Variants in NLGN1 observed in about 807,000 individuals in gnomAD.
The protein encoded by NLGN1 is neuroligin 1.
Under a neutral mutation model 65.5 loss-of-function variants are expected in NLGN1, and 12 were observed. The observed-to-expected ratio is 0.18, with a 90% CI of 0.12 to 0.30. The LOEUF is 0.30. Ranked by LOEUF, NLGN1 falls within the 10% of genes least tolerant of loss-of-function variation. The pLI is 1.00. For missense variants in NLGN1, 750 were observed against 1,007.1 expected (o/e 0.74, Z 3.46); for synonymous variants, 350 against 359.5 (o/e 0.97, Z 0.30).
chr3:173,935,901 G>A (rs1255125432), intron 4 of NLGN1, among the ~76,000 whole-genome samples: 1 of 151,936 alleles, frequency 6.6e-6, no homozygotes, highest in Non-Finnish European at 1.5e-5. Context: ...TACAGATTTT[G>A]AGACACCAAA....
At chr3:173,436,975 T>A (rs1471269598) in intron 2 of NLGN1, among the ~76,000 whole-genome samples, 1 of 152,220 alleles carries the variant, frequency 6.6e-6, no homozygotes, top group East Asian at 1.9e-4. Flanking sequence ...TGTTCCTTTT[T>A]ATTTTTCTTC....
chr3:174,001,662 A>G (rs1723313082), intron 4 of NLGN1, among the ~76,000 whole-genome samples: 1 of 152,196 alleles, frequency 6.6e-6, no homozygotes, highest in South Asian at 2.1e-4. Context: ...GTACCTCATT[A>G]CTATATTTTG....
intron 3 of NLGN1, among the ~76,000 whole-genome samples, chr3:173,700,451 A>C (rs1204532423): frequency 6.6e-6 from 1 of 152,240 alleles, no homozygotes; most frequent in Non-Finnish European, 1.5e-5. Context: ...TACAGGCAGA[A>C]ACAAATAAAT....
At chr3:174,074,876 C>A (rs1259374410) in intron 4 of NLGN1, among the ~76,000 whole-genome samples, 1 of 152,152 alleles carries the variant, frequency 6.6e-6, no homozygotes, top group Non-Finnish European at 1.5e-5. Context: ...ACAACTACCA[C>A]TGAGCCGTGG....
At chr3:173,559,786 T>C (rs1468803233) in intron 2 of NLGN1, among the ~76,000 whole-genome samples, 1 of 152,212 alleles carries the variant, frequency 6.6e-6, no homozygotes, top group East Asian at 1.9e-4. Flanking sequence ...GTTTTTGATA[T>C]TTTTATGGCT....
intron 3 of NLGN1, among the ~76,000 whole-genome samples, chr3:173,768,926 A>G (rs563761229): frequency 6.6e-6 from 1 of 151,970 alleles, no homozygotes; most frequent in Non-Finnish European, 1.5e-5. Flanking sequence ...ACAGGCACGT[A>G]CCACCACACC....
chr3:173,730,078 GTAT>G (rs1772521311), intron 3 of NLGN1, among the ~76,000 whole-genome samples: 1 of 151,452 alleles, frequency 6.6e-6, no homozygotes, highest in Non-Finnish European at 1.5e-5. Context: ...TATTGACCAG[GTAT>G]TATTTTAGAT....
At chr3:173,890,666 T>G (rs1735163565) in intron 4 of NLGN1, among the ~76,000 whole-genome samples, 1 of 152,166 alleles carries the variant, frequency 6.6e-6, no homozygotes, top group South Asian at 2.1e-4. Context: ...AACAAAGTAC[T>G]CTTAAGGCTA....
At chr3:173,514,228 T>G (rs1404916871) in intron 2 of NLGN1, among the ~76,000 whole-genome samples, 1 of 152,188 alleles carries the variant, frequency 6.6e-6, no homozygotes. Flanking sequence ...TTTTTTGAGA[T>G]TTTTAAAAAT....
intron 1 of NLGN1, among the ~76,000 whole-genome samples, chr3:173,420,306 T>C (rs903129667): frequency 2.3e-4 from 35 of 150,394 alleles, no homozygotes; most frequent in African/African-American, 8.1e-4. Context: ...AATTCCCGCC[T>C]ATGAGTGAGA....
chr3:174,253,831 A>G (rs1230463666), intron 4 of NLGN1, among the ~76,000 whole-genome samples: 3 of 152,068 alleles, frequency 2.0e-5, no homozygotes, highest in African/African-American at 7.2e-5. Context: ...AGTAATTCCA[A>G]CCCTAGGAAA....
Position 174,261,895 on chromosome 3 carries a change from C to T in NLGN1, c.647-13420C>T, listed in dbSNP as rs567162940. Among the ~76,000 whole-genome samples the T allele has an allele frequency of 2.1e-3, 315 of 146,940 alleles. 1 individual carries two copies. Among genetic ancestry groups the T allele is most frequent in the African/African-American group, 7.1e-3 (275 of 38,586 alleles). The stretch of plus-strand genomic sequence containing the variant: ...TTTATTGAGAGTTTTTAGCGTGAAG[C>T]GTTGTTGAATTTTGTCAAAGGCTTT... On this transcript the variant is annotated intron_variant, in intron 4 of 6. Transcript: ENST00000457714.
intron 4 of NLGN1, among the ~76,000 whole-genome samples, chr3:174,143,777 A>C (rs945496421): frequency 1.3e-5 from 2 of 152,198 alleles, no homozygotes; most frequent in Non-Finnish European, 2.9e-5. Context: ...TGGTTAACAA[A>C]TTCTTCATAG....
At chr3:173,539,590 GTTATA>G (rs1384240815) in intron 2 of NLGN1, among the ~76,000 whole-genome samples, 2 of 132,730 alleles carry the variant, frequency 1.5e-5, no homozygotes, top group Admixed American at 1.5e-4. Flanking sequence ...TGTTATATAT[GTTATA>G]TAATATATGT....
intron 4 of NLGN1, among the ~76,000 whole-genome samples, chr3:173,896,296 C>T (rs1736344068): frequency 6.6e-6 from 1 of 152,254 alleles, no homozygotes; most frequent in Middle Eastern, 3.4e-3. Context: ...TCATTCTGCC[C>T]ATCATACATA....
At chr3:173,517,875 A>G (rs1734109018) in intron 2 of NLGN1, among the ~76,000 whole-genome samples, 1 of 151,992 alleles carries the variant, frequency 6.6e-6, no homozygotes, top group Non-Finnish European at 1.5e-5. Flanking sequence ...TGAAGTTCCA[A>G]TATATAGATG....
At chr3:173,523,617 T>A (rs909018577) in intron 2 of NLGN1, among the ~76,000 whole-genome samples, 11 of 151,724 alleles carry the variant, frequency 7.3e-5, no homozygotes, top group Non-Finnish European at 1.5e-4. Flanking sequence ...GGTCTGTGTG[T>A]CCATTTTTGT....
intron 3 of NLGN1, among the ~76,000 whole-genome samples, chr3:173,729,597 A>C (rs1772436130): frequency 6.6e-6 from 1 of 152,130 alleles, no homozygotes; most frequent in Admixed American, 6.6e-5. Flanking sequence ...ATTTATTATA[A>C]TGCCTTTGAT....
intron 3 of NLGN1, among the ~76,000 whole-genome samples, chr3:173,731,779 AAT>A (rs1384598526): frequency 1.3e-5 from 2 of 152,116 alleles, no homozygotes; most frequent in African/African-American, 4.8e-5. Flanking sequence ...TAGAAATATA[AAT>A]ATATAAAGGA....
Sources: allele counts gnomAD v4.1 joint callset (sites outside exome capture counted in the v4.1 genomes callset), GRCh38; gene constraint gnomAD v4.1.1; transcripts MANE v1.5; gene names NCBI Gene and HGNC (gene_info 2026-07-23, HGNC 2026-07-21).